NUDT3: variants seen among roughly 807,000 people sequenced by gnomAD.
NUDT3 encodes the protein diphosphoinositol polyphosphate phosphohydrolase 1.
NUDT3 carries 9 observed loss-of-function variants against 23.6 expected under a neutral mutation model. That is an observed-to-expected ratio of 0.38 (90% confidence interval 0.23 to 0.66). The LOEUF (loss-of-function observed/expected upper bound fraction) is 0.66, where lower values mean the gene tolerates loss of function less well. Ranked by LOEUF, NUDT3 falls within the 30% of genes least tolerant of loss-of-function variation. The pLI is 0.52. For synonymous variants in NUDT3, 86 were observed against 82.6 expected, an observed-to-expected ratio of 1.04 and a Z score of -0.22; for missense variants, 172 against 218.5, an observed-to-expected ratio of 0.79 and a Z score of 1.34.
intron 1 of NUDT3, among the ~76,000 whole-genome samples, chr6:34,353,716 T>C (rs893335944): frequency 6.6e-6 from 1 of 151,888 alleles, no homozygotes; most frequent in African/African-American, 2.4e-5. Flanking sequence ...TTTGTTTTTG[T>C]TTTTAAGACA....
chr6:34,321,107 G>C (rs1202812265), intron 2 of NUDT3, among the ~76,000 whole-genome samples: 1 of 151,936 alleles, frequency 6.6e-6, no homozygotes, highest in Non-Finnish European at 1.5e-5. Context: ...TGGCACATAG[G>C]GTCCAAGATA....
intron 2 of NUDT3, among the ~76,000 whole-genome samples, chr6:34,300,044 G>C (rs150190086): frequency 1.3e-5 from 2 of 151,878 alleles, no homozygotes; most frequent in African/African-American, 4.8e-5. Context: ...CCACCTGCCC[G>C]GCCCTGCTTT....
rs148869087 is a variant in NUDT3, at chr6:34,322,770, G to A, written c.210+19092C>T. Among the ~76,000 whole-genome samples, 184 of 152,256 alleles carry A rather than the reference G, an allele frequency of 1.2e-3. 1 individual carries two copies. In the East Asian group the frequency reaches 0.013, roughly 11 times the overall value. On this transcript the variant is annotated intron_variant, in intron 2 of 4. Coordinates refer to ENST00000607016, the MANE Select transcript of NUDT3 (RefSeq NM_006703.4). ...TACAAATTTCTTTAGATGTGACAAT[G>A]GTATGTGGTTATGTAGGAGACTGGC...
At chr6:34,315,807 C>T (rs1304916161) in intron 2 of NUDT3, among the ~76,000 whole-genome samples, 1 of 152,176 alleles carries the variant, frequency 6.6e-6, no homozygotes, top group African/African-American at 2.4e-5. Flanking sequence ...CTACCTTAGA[C>T]TTCTCAAGTT....
intron 1 of NUDT3, among the ~76,000 whole-genome samples, chr6:34,374,711 T>A (rs933622698): frequency 6.6e-6 from 1 of 152,208 alleles, no homozygotes; most frequent in African/African-American, 2.4e-5. Flanking sequence ...TTTCACTGTA[T>A]CATCATCATT....
At chr6:34,337,690 GA>G (rs1202989384) in intron 2 of NUDT3, among the ~76,000 whole-genome samples, 3 of 151,606 alleles carry the variant, frequency 2.0e-5, no homozygotes, top group East Asian at 3.9e-4. Context: ...CAGCAACAGT[GA>G]CAACAAATAA....
At chr6:34,383,501 C>G (rs2113769603) in intron 1 of NUDT3, among the ~76,000 whole-genome samples, 1 of 152,288 alleles carries the variant, frequency 6.6e-6, no homozygotes, top group Middle Eastern at 3.4e-3. Flanking sequence ...GATCCTCCCA[C>G]GTAGGCCTCC....
chr6:34,298,127 C>A (rs907577824), intron 2 of NUDT3, among the ~76,000 whole-genome samples: 1 of 151,886 alleles, frequency 6.6e-6, no homozygotes. Context: ...TTTGGGAGGC[C>A]GAGGTAGGTG....
intron 1 of NUDT3, among the ~76,000 whole-genome samples, chr6:34,351,985 A>G (rs1239920200): frequency 1.3e-5 from 2 of 152,020 alleles, no homozygotes; most frequent in Non-Finnish European, 2.9e-5. Context: ...GTGGGAGCCC[A>G]GGAGTTCAAG....
intron 1 of NUDT3, among the ~76,000 whole-genome samples, chr6:34,382,005 G>A (rs1025552280): frequency 2.7e-5 from 4 of 148,358 alleles, no homozygotes; most frequent in African/African-American, 1.0e-4. Flanking sequence ...CCCGGGAGAC[G>A]GGGGTTGCAG....
intron 2 of NUDT3, among the ~76,000 whole-genome samples, chr6:34,337,928 A>G (rs1288848529): frequency 6.6e-6 from 1 of 152,220 alleles, no homozygotes; most frequent in Non-Finnish European, 1.5e-5. Context: ...TTTTTGCCTT[A>G]AGCACCTTAG....
intron 1 of NUDT3, among the ~76,000 whole-genome samples, chr6:34,343,501 A>T (rs542950799): frequency 6.6e-6 from 1 of 151,944 alleles, no homozygotes; most frequent in East Asian, 1.9e-4. Context: ...TGATCAAGCC[A>T]CTGTATTCCA....
intron 1 of NUDT3, among the ~76,000 whole-genome samples, chr6:34,372,154 T>A (rs975785286): frequency 6.6e-6 from 1 of 152,198 alleles, no homozygotes; most frequent in Non-Finnish European, 1.5e-5. Flanking sequence ...TGATAGACAT[T>A]TGGGTTGGTT....
intron 4 of NUDT3, among the ~76,000 whole-genome samples, chr6:34,292,103 G>T (rs1018867654): frequency 6.6e-6 from 1 of 152,176 alleles, no homozygotes; most frequent in Non-Finnish European, 1.5e-5. Context: ...GCCTGACAGA[G>T]AGTGCTCTGA....
intron 2 of NUDT3, among the ~76,000 whole-genome samples, chr6:34,337,054 A>C (rs916410542): frequency 6.6e-6 from 1 of 152,190 alleles, no homozygotes; most frequent in African/African-American, 2.4e-5. Context: ...TGGAAAATCC[A>C]CTTCTTTCAT....
At chr6:34,384,081 CTCT>C (rs1297585336) in intron 1 of NUDT3, among the ~76,000 whole-genome samples, 1 of 152,190 alleles carries the variant, frequency 6.6e-6, no homozygotes, top group Non-Finnish European at 1.5e-5. Context: ...GTGTCTTACT[CTCT>C]TCTCTAGAGC....
rs1054843363 is a variant in NUDT3, at chr6:34,282,228, A to G, written c.*6525T>C. ...TGAGAAACTTTTTTTTTGGCAAGATAATAAAGAGGTTAAAGAGGCTACGTG... is the reference window on the plus strand; with the variant it reads ...TGAGAAACTTTTTTTTTGGCAAGATGATAAAGAGGTTAAAGAGGCTACGTG... On this transcript the variant is annotated 3_prime_UTR_variant, in exon 5 of 5. Coordinates refer to ENST00000607016, the MANE Select transcript of NUDT3 (RefSeq NM_006703.4). The G allele has an allele frequency of 4.6e-5, 7 of 152,142 alleles. No homozygotes were observed. The highest frequency in any genetic ancestry group is 1.0e-4 in the Non-Finnish European group (7 of 68,006). The allele number at this position is 152,142 out of a possible 1,614,324, so 9.4% of individuals were successfully genotyped here.
At position 34,332,621 on chromosome 6, in the gene NUDT3, A is replaced by C. The variant is rs148698643; in HGVS notation, c.210+9241T>G. On this transcript the variant is annotated intron_variant, in intron 2 of 4. Transcript: ENST00000607016. ...TGTTTACATTGCATGAGGTAGCATAAGCAATCTACAAATGATCTAAAGTAT... is the reference window on the plus strand; with the variant it reads ...TGTTTACATTGCATGAGGTAGCATACGCAATCTACAAATGATCTAAAGTAT... Among the ~76,000 whole-genome samples the C allele has an allele frequency of 4.3e-3, 662 of 152,364 alleles. 5 individuals are homozygous for C. The highest frequency in any genetic ancestry group is 0.015 in the African/African-American group (628 of 41,578).
At chr6:34,375,459 C>T (rs1008101129) in intron 1 of NUDT3, among the ~76,000 whole-genome samples, 7 of 152,234 alleles carry the variant, frequency 4.6e-5, no homozygotes, top group Non-Finnish European at 7.3e-5. Flanking sequence ...AGAAGGCCCA[C>T]AATTGTTTGT....
Sources: gnomAD v4.1 joint callset for allele counts (sites outside exome capture counted in the v4.1 genomes callset) on GRCh38, gnomAD v4.1.1 for gene constraint, MANE v1.5 for transcripts, NCBI Gene and HGNC (gene_info 2026-07-23, HGNC 2026-07-21) for gene names.